Variants in SUGCT observed in about 807,000 individuals in gnomAD.
SUGCT encodes succinyl-CoA:glutarate-CoA transferase, also known as succinyl-CoA:glutarate CoA-transferase.
SUGCT carries 41 observed loss-of-function variants against 55.0 expected under a neutral mutation model. The observed-to-expected ratio is 0.74, with a 90% CI of 0.58 to 0.97. The LOEUF (loss-of-function observed/expected upper bound fraction) is 0.97, where lower values mean the gene tolerates loss of function less well. Among genes scored for constraint, SUGCT ranks in the 50% least tolerant of loss-of-function variants. SUGCT has a pLI of 0.00. For missense variants in SUGCT, 568 were observed against 547.8 expected, an observed-to-expected ratio of 1.04 and a Z score of -0.37; for synonymous variants, 187 against 200.4, an observed-to-expected ratio of 0.93 and a Z score of 0.56.
chr7:40,839,271 CTTGCTCTG>C, intron 13 of SUGCT, among the ~76,000 whole-genome samples: 1 of 152,168 alleles, frequency 6.6e-6, no homozygotes, highest in African/African-American at 2.4e-5. Flanking sequence ...GAGACAGGAT[CTTGCTCTG>C]TTGCTCAGGC....
At chr7:40,853,447 C>T (rs1285196387) in intron 13 of SUGCT, among the ~76,000 whole-genome samples, 2 of 152,096 alleles carry the variant, frequency 1.3e-5, no homozygotes, top group African/African-American at 4.8e-5. Flanking sequence ...TCACTGCAAC[C>T]TCCGCCTCCC....
chr7:40,486,820 G>T (rs1791384589), intron 11 of SUGCT, among the ~76,000 whole-genome samples: 2 of 149,544 alleles, frequency 1.3e-5, no homozygotes, highest in South Asian at 4.2e-4. Flanking sequence ...CAAACTCCTG[G>T]GCTAAAGCGC....
intron 12 of SUGCT, among the ~76,000 whole-genome samples, chr7:40,612,719 C>T (rs987913866): frequency 1.3e-5 from 2 of 152,164 alleles, no homozygotes; most frequent in African/African-American, 4.8e-5. Flanking sequence ...ATGAGAAAAA[C>T]CTGCAAAACT....
the SUGCT span, among the ~76,000 whole-genome samples, chr7:41,003,160 C>T: frequency 6.6e-6 from 1 of 152,148 alleles, no homozygotes; most frequent in East Asian, 1.9e-4. Flanking sequence ...CTCCCACCAA[C>T]CTACGTAATA....
chr7:40,377,967 T>C (rs540265607), intron 9 of SUGCT, among the ~76,000 whole-genome samples: 33 of 152,302 alleles, frequency 2.2e-4, no homozygotes, highest in African/African-American at 7.7e-4. Context: ...GTTAACCTTA[T>C]TGATGGTCTG....
intron 12 of SUGCT, among the ~76,000 whole-genome samples, chr7:40,682,588 G>A (rs765567613): frequency 2.6e-5 from 4 of 152,148 alleles, no homozygotes; most frequent in Admixed American, 6.5e-5. Context: ...TCATTGCTTG[G>A]TGTATGGGGA....
At chr7:40,502,101 A>G (rs908935386) in intron 12 of SUGCT, among the ~76,000 whole-genome samples, 3 of 152,062 alleles carry the variant, frequency 2.0e-5, no homozygotes, top group Admixed American at 1.3e-4. Flanking sequence ...TACATAAAAT[A>G]TATTTTGATG....
At position 40,391,456 on chromosome 7, in the gene SUGCT, A is replaced by G. The variant is rs1785424304; in HGVS notation, c.817-57831A>G. Among the ~76,000 whole-genome samples the G allele has an allele frequency of 2.0e-5, 3 of 152,312 alleles. No homozygotes were observed. The South Asian group carries it at 6.2e-4, about 32-fold the overall frequency. Reference sequence around the variant, plus strand: ...TTACAAGAAAAAATCAAACAACCCCATCAAAAAGTGGGCAAAGGATATGAA... The same window carrying G: ...TTACAAGAAAAAATCAAACAACCCCGTCAAAAAGTGGGCAAAGGATATGAA... On this transcript the variant is annotated intron_variant, in intron 9 of 13. Coordinates refer to ENST00000335693, the MANE Select transcript of SUGCT (RefSeq NM_001193313.2).
In SUGCT at chr7:40,184,879, T is replaced by A. The variant is rs1785411581; in HGVS notation, c.226+2851T>A. On this transcript the variant is annotated intron_variant, in intron 3 of 13. Transcript: ENST00000335693. ...GTTTGTTTCCTTCTTTTTTAAAAAA[T>A]TTTAAATTTTATTTTGTCTTTACAG... 2.6e-5 allele frequency among the ~76,000 whole-genome samples: 4 copies of A among 152,292 alleles called. No homozygotes were observed. In the South Asian group the frequency reaches 6.2e-4, roughly 24 times the overall value.
chr7:40,530,456 A>C (rs1794024160), intron 12 of SUGCT, among the ~76,000 whole-genome samples: 1 of 152,226 alleles, frequency 6.6e-6, no homozygotes, highest in Non-Finnish European at 1.5e-5. Flanking sequence ...GACCACACTG[A>C]AACTTGAGAA....
intron 12 of SUGCT, among the ~76,000 whole-genome samples, chr7:40,534,948 T>A (rs1794284208): frequency 6.6e-6 from 1 of 152,164 alleles, no homozygotes; most frequent in South Asian, 2.1e-4. Context: ...CAAATATATT[T>A]ATTTATAAGA....
intron 12 of SUGCT, among the ~76,000 whole-genome samples, chr7:40,638,050 A>G (rs1474977487): frequency 1.3e-5 from 2 of 152,156 alleles, no homozygotes; most frequent in Non-Finnish European, 2.9e-5. Context: ...ACTACTTATG[A>G]TTTCAGCTAA....
intron 9 of SUGCT, among the ~76,000 whole-genome samples, chr7:40,353,837 A>G (rs2151204034): frequency 6.6e-6 from 1 of 152,326 alleles, no homozygotes; most frequent in East Asian, 1.9e-4. Context: ...TACTTCTGAT[A>G]AAATTGGATA....
the SUGCT span, among the ~76,000 whole-genome samples, chr7:40,898,031 C>T: frequency 2.6e-5 from 4 of 152,254 alleles, no homozygotes; most frequent in East Asian, 7.8e-4. Context: ...TGTTCTTTCG[C>T]TTTTCAGATA....
the SUGCT span, among the ~76,000 whole-genome samples, chr7:40,907,126 TGTGTGTGTGTGTGTGAGA>T: frequency 0.016 from 1,258 of 78,714 alleles, 15 homozygotes; most frequent in African/African-American, 0.047. Context: ...TGTGTGTGTG[TGTGTGTGTGTGTGTGAGA>T]GAGAGAGAGA....
chr7:40,598,799 G>T (rs892364216), intron 12 of SUGCT, among the ~76,000 whole-genome samples: 1 of 152,198 alleles, frequency 6.6e-6, no homozygotes, highest in Non-Finnish European at 1.5e-5. Context: ...CACAGGATCT[G>T]TGTAGATAGT....
intron 9 of SUGCT, among the ~76,000 whole-genome samples, chr7:40,340,002 A>G (rs558112774): frequency 9.2e-5 from 14 of 152,342 alleles, no homozygotes; most frequent in South Asian, 8.3e-4. Flanking sequence ...ATATACATGC[A>G]TGATTTTTGC....
the SUGCT span, among the ~76,000 whole-genome samples, chr7:41,028,242 A>C: frequency 1.3e-5 from 2 of 152,222 alleles, no homozygotes; most frequent in African/African-American, 4.8e-5. Flanking sequence ...AGTTCTTCTG[A>C]AGTTGAGACC....
Position 40,274,636 on chromosome 7 carries a change from T to C in SUGCT, c.700T>C (p.Cys234Arg). 6.2e-7 allele frequency: 1 copy of C among 1,613,606 alleles called. No individual in the cohort carries two copies. Among genetic ancestry groups the C allele is most frequent in the Non-Finnish European group, 8.5e-7 (1 of 1,179,682 alleles). ...AACTGGGAAAGGACTGTTCATTGATTGTAACCTACTGTCATCCCAGGTAAC... is the reference window on the plus strand; with the variant it reads ...AACTGGGAAAGGACTGTTCATTGATCGTAACCTACTGTCATCCCAGGTAAC... ...YKTGKGLFIDCNLLSSQVACL... is the reference protein window; with the variant it reads ...YKTGKGLFIDRNLLSSQVACL... Residue 234 changes from cysteine to arginine, a missense_variant, in exon 8 of 14, where the codon TGT (cysteine) becomes CGT (arginine). By Grantham distance (180) the Cys-to-Arg change is radical. Transcript: ENST00000335693.
Sources: allele counts gnomAD v4.1 joint callset (sites outside exome capture counted in the v4.1 genomes callset), GRCh38; gene constraint gnomAD v4.1.1; transcripts MANE v1.5; gene names NCBI Gene and HGNC (gene_info 2026-07-23, HGNC 2026-07-21).